Variants in FOXP2 observed in about 807,000 individuals in gnomAD.
The protein encoded by FOXP2 is forkhead box P2, also known as forkhead box protein P2.
FOXP2 carries 12 observed loss-of-function variants against 115.8 expected under a neutral mutation model. That is an observed-to-expected ratio of 0.10 (90% CI 0.07 to 0.17). The LOEUF (loss-of-function observed/expected upper bound fraction) is 0.17. Among genes scored for constraint, FOXP2 ranks in the 10% least tolerant of loss-of-function variants. FOXP2 has a pLI of 1.00. For synonymous variants in FOXP2, 328 were observed against 297.7 expected, an observed-to-expected ratio of 1.10 and a Z score of -1.05; for missense variants, 629 against 843.5, an observed-to-expected ratio of 0.75 and a Z score of 3.15.
intron 2 of FOXP2, among the ~76,000 whole-genome samples, chr7:114,532,920 A>T (rs1799209377): frequency 6.6e-6 from 1 of 151,948 alleles, no homozygotes; most frequent in Admixed American, 6.6e-5. Flanking sequence ...TTACAATTAA[A>T]AGAGGAAAGA....
At chr7:114,254,959 G>A (rs560800244) in intron 1 of FOXP2, among the ~76,000 whole-genome samples, 2 of 152,320 alleles carry the variant, frequency 1.3e-5, no homozygotes, top group East Asian at 1.9e-4. Context: ...GTGACGTACA[G>A]ATGAGGTTTT....
chr7:114,605,438 C>G (rs957308950), intron 3 of FOXP2, among the ~76,000 whole-genome samples: 2 of 152,056 alleles, frequency 1.3e-5, no homozygotes, highest in African/African-American at 4.8e-5. Flanking sequence ...GATTGTAGAT[C>G]AGACTAAATA....
chr7:114,663,470 A>G lies in FOXP2; in HGVS notation c.1790A>G (p.Asn597Ser), dbSNP rs1806993371. The G allele has an allele frequency of 1.2e-6, 2 of 1,611,716 alleles. No homozygotes were observed. Among genetic ancestry groups the G allele is most frequent in the South Asian group, 1.1e-5 (1 of 90,918 alleles). Residue 597 changes from asparagine to serine, a missense_variant, in exon 15 of 17, where the codon AAT becomes AGT. Asn to Ser is a conservative substitution (Grantham distance 46, BLOSUM62 1). Coordinates refer to ENST00000350908, the MANE Select transcript of FOXP2 (RefSeq NM_014491.4). ...KITGSPTLVKNIPTSLGYGAA... is the reference protein window; with the variant it reads ...KITGSPTLVKSIPTSLGYGAA... ...TTCAGAAGTCCAACCTTAGTAAAAA[A>G]TATACCTACCAGTTTAGGCTATGGA...
At position 114,690,907 on chromosome 7, in the gene FOXP2, A is replaced by G. The variant is rs773356816; in HGVS notation, c.*981A>G. 2.0e-5 allele frequency: 9 copies of G among 454,492 alleles called. No homozygotes were observed. The highest frequency in any genetic ancestry group is 1.4e-4 in the South Asian group (9 of 64,480). 28.2% of individuals were successfully genotyped at this position (454,492 alleles called of 1,614,324 possible). ...GGATCTTTTCATTTAGCCCTAAACA[A>G]AGAAACAAATATGACAAAAACCACA... On this transcript the variant is annotated 3_prime_UTR_variant, in exon 17 of 17. Transcript: ENST00000350908.
At chr7:114,202,912 G>C (rs1794105793) in intron 1 of FOXP2, among the ~76,000 whole-genome samples, 1 of 152,052 alleles carries the variant, frequency 6.6e-6, no homozygotes, top group African/African-American at 2.4e-5. Flanking sequence ...GCTTTCTCTT[G>C]ATTATCTCCT....
chr7:114,091,006 T>G (rs1274727038), intron 1 of FOXP2, among the ~76,000 whole-genome samples: 2 of 151,852 alleles, frequency 1.3e-5, no homozygotes, highest in African/African-American at 4.8e-5. Flanking sequence ...ATGTGAAAAT[T>G]TATTATTATT....
Position 114,659,386 on chromosome 7 carries a change from A to T in FOXP2, c.1499A>T (p.Asn500Ile). 1 of 1,613,266 alleles carries T rather than the reference A, an allele frequency of 6.2e-7. No homozygotes were observed. The highest frequency in any genetic ancestry group is 8.5e-7 in the Non-Finnish European group (1 of 1,179,418). ...EIAPNYEFYK[N>I]ADVRPPFTYA... ...GCCCCAAACTATGAATTTTATAAAA[A>T]TGCAGATGTCAGACCTCCATTTACT... is the stretch of plus-strand genomic sequence containing the variant. Residue 500 changes from asparagine (N) to isoleucine (I), a missense_variant, in exon 12 of 17, where the codon AAT becomes ATT. Asn to Ile is a moderately radical substitution (Grantham distance 149). Coordinates refer to ENST00000350908, the MANE Select transcript of FOXP2 (RefSeq NM_014491.4).
At chr7:114,095,978 T>C (rs1799640234) in intron 1 of FOXP2, among the ~76,000 whole-genome samples, 1 of 152,176 alleles carries the variant, frequency 6.6e-6, no homozygotes, top group African/African-American at 2.4e-5. Context: ...TTGACCTAAA[T>C]CTCTTGAGAC....
At chr7:114,271,959 AT>A (rs1796067153) in intron 1 of FOXP2, among the ~76,000 whole-genome samples, 1 of 133,282 alleles carries the variant, frequency 7.5e-6, no homozygotes. Context: ...TTATTATTAT[AT>A]TAATTATATA....
chr7:114,690,279 A>G lies in FOXP2; in HGVS notation c.*353A>G, dbSNP rs1279078178. The G allele has an allele frequency of 2.2e-6, 1 of 460,998 alleles. No individual in the cohort carries two copies. Among genetic ancestry groups the G allele is most frequent in the Non-Finnish European group, 4.3e-6 (1 of 231,766 alleles). 28.6% of individuals were successfully genotyped at this position (460,998 alleles called of 1,614,324 possible). ...CTGAATATGAGGATACATGTCCTGT[A>G]GAAAGCAAATGCGCCTCATATACTG... On this transcript the variant is annotated 3_prime_UTR_variant, in exon 17 of 17. Transcript: ENST00000350908.
upstream of FOXP2, among the ~76,000 whole-genome samples, chr7:114,410,316 T>G (rs1369070980): frequency 6.6e-6 from 1 of 152,012 alleles, no homozygotes; most frequent in African/African-American, 2.4e-5. Context: ...CCCAACAGAG[T>G]ACTCTGTACG....
At chr7:114,653,112 G>T (rs577613513) in intron 9 of FOXP2, among the ~76,000 whole-genome samples, 2 of 151,922 alleles carry the variant, frequency 1.3e-5, no homozygotes, top group African/African-American at 4.8e-5. Context: ...TTTCAAATTC[G>T]TGTCATTGCT....
At chr7:114,314,388 T>G (rs975497086) in intron 2 of FOXP2, among the ~76,000 whole-genome samples, 5 of 152,108 alleles carry the variant, frequency 3.3e-5, no homozygotes, top group Admixed American at 2.6e-4. Flanking sequence ...CTTAGTAAGC[T>G]GTCATAGATG....
chr7:114,220,676 A>G (rs1794598594), intron 1 of FOXP2, among the ~76,000 whole-genome samples: 1 of 152,146 alleles, frequency 6.6e-6, no homozygotes, highest in Non-Finnish European at 1.5e-5. Context: ...GGCATGTCAG[A>G]CTTTCCTATT....
chr7:114,300,062 A>G (rs947861762), intron 2 of FOXP2, among the ~76,000 whole-genome samples: 14 of 151,990 alleles, frequency 9.2e-5, no homozygotes, highest in African/African-American at 3.4e-4. Context: ...ACACACTCAC[A>G]CACACACACA....
intron 2 of FOXP2, among the ~76,000 whole-genome samples, chr7:114,388,492 CTG>C (rs1406880227): frequency 6.6e-6 from 1 of 151,578 alleles, no homozygotes; most frequent in Non-Finnish European, 1.5e-5. Flanking sequence ...GAGGTTAAAA[CTG>C]AATGATCCTG....
chr7:114,470,643 T>C (rs979860798), intron 2 of FOXP2, among the ~76,000 whole-genome samples: 1 of 152,202 alleles, frequency 6.6e-6, no homozygotes, highest in African/African-American at 2.4e-5. Context: ...CAGAGGCTTC[T>C]TATTAAGATC....
rs1330082670 is a variant in FOXP2 at position 114,351,193 on chromosome 7, A to G, written c.-11+63084A>G. On this transcript the variant is annotated intron_variant, in intron 2 of 17. Transcript: ENST00000634411. ...TAGCAAATGGCCCATGTCTGTTGCA[A>G]TGGGATTTGACCAATACAATAAACT... Among the ~76,000 whole-genome samples, 12 of 152,310 alleles carry G rather than the reference A, an allele frequency of 7.9e-5. 1 individual carries two copies. In the Middle Eastern group the frequency reaches 0.014, roughly 173 times the overall value.
intron 1 of FOXP2, among the ~76,000 whole-genome samples, chr7:114,175,273 A>T (rs942968925): frequency 6.6e-6 from 1 of 152,148 alleles, no homozygotes; most frequent in Non-Finnish European, 1.5e-5. Flanking sequence ...TGTGTTAAGG[A>T]TGCTGTGTTA....
Sources: allele counts gnomAD v4.1 joint callset (sites outside exome capture counted in the v4.1 genomes callset), GRCh38; gene constraint gnomAD v4.1.1; transcripts MANE v1.5; gene names NCBI Gene and HGNC (gene_info 2026-07-23, HGNC 2026-07-21).